Variants in SUGCT observed in about 807,000 individuals in gnomAD.
SUGCT encodes succinyl-CoA:glutarate-CoA transferase.
SUGCT carries 41 observed loss-of-function variants against 55.0 expected under a neutral mutation model. The observed-to-expected ratio is 0.74, with a 90% CI of 0.58 to 0.97. The LOEUF (loss-of-function observed/expected upper bound fraction) is 0.97. SUGCT is among the 50% of genes least tolerant of loss of function. SUGCT has a pLI of 0.00. For synonymous variants in SUGCT, 187 were observed against 200.4 expected (o/e 0.93, Z 0.56); for missense variants, 568 against 547.8 (o/e 1.04, Z -0.37).
the SUGCT span, among the ~76,000 whole-genome samples, chr7:40,960,398 T>C: frequency 8.5e-5 from 13 of 152,298 alleles, no homozygotes; most frequent in East Asian, 7.7e-4. Context: ...AAATCAGTCA[T>C]GGTACATAAA....
At chr7:40,679,402 T>C (rs1157898231) in intron 12 of SUGCT, among the ~76,000 whole-genome samples, 1 of 152,146 alleles carries the variant, frequency 6.6e-6, no homozygotes, top group Admixed American at 6.5e-5. Flanking sequence ...TACATTAAAA[T>C]GAACACTTGC....
the SUGCT span, among the ~76,000 whole-genome samples, chr7:40,885,965 CT>C: frequency 6.6e-6 from 1 of 152,140 alleles, no homozygotes; most frequent in Admixed American, 6.5e-5. Context: ...CTTTCTTTAC[CT>C]TTCCCCCGAC....
the SUGCT span, among the ~76,000 whole-genome samples, chr7:41,020,346 G>A: frequency 2.6e-5 from 4 of 152,188 alleles, no homozygotes; most frequent in Non-Finnish European, 5.9e-5. Context: ...ACAAAGTATG[G>A]TAGCTAAAGT....
chr7:40,947,887 G>A, the SUGCT span, among the ~76,000 whole-genome samples: 15 of 152,284 alleles, frequency 9.9e-5, no homozygotes, highest in Admixed American at 9.2e-4. Flanking sequence ...TATTGTTTGT[G>A]CAGAACCCCA....
At chr7:40,225,646 G>C (rs1436830780) in intron 6 of SUGCT, among the ~76,000 whole-genome samples, 1 of 151,938 alleles carries the variant, frequency 6.6e-6, no homozygotes, top group Non-Finnish European at 1.5e-5. Context: ...ATGTTGGCCA[G>C]GCTGGTCTTG....
At chr7:40,241,593 A>T (rs561540445) in intron 7 of SUGCT, among the ~76,000 whole-genome samples, 136 of 151,768 alleles carry the variant, frequency 9.0e-4, no homozygotes, top group African/African-American at 3.2e-3. Context: ...AAAAAAAAAA[A>T]AGGAAAAAGT....
chr7:40,605,877 A>G (rs1212808438), intron 12 of SUGCT, among the ~76,000 whole-genome samples: 2 of 152,210 alleles, frequency 1.3e-5, no homozygotes, highest in Admixed American at 6.5e-5. Flanking sequence ...TGTGTGTCTC[A>G]CAGGGCCTTT....
chr7:40,792,885 A>G (rs932890766), intron 13 of SUGCT, among the ~76,000 whole-genome samples: 3 of 152,128 alleles, frequency 2.0e-5, no homozygotes, highest in Admixed American at 2.0e-4. Flanking sequence ...TCCATGTATC[A>G]GAATTGCTTA....
chr7:40,914,278 CT>C, the SUGCT span, among the ~76,000 whole-genome samples: 342 of 83,752 alleles, frequency 4.1e-3, 1 homozygote, highest in Admixed American at 8.4e-3. Context: ...TTTTCTTTTT[CT>C]TTTTTTTTTT....
intron 13 of SUGCT, among the ~76,000 whole-genome samples, chr7:40,763,369 A>AT (rs1274710511): frequency 1.3e-5 from 2 of 152,236 alleles, no homozygotes; most frequent in African/African-American, 4.8e-5. Flanking sequence ...GGAAGGTCAC[A>AT]TAACTAGAAA....
intron 13 of SUGCT, among the ~76,000 whole-genome samples, chr7:40,788,215 C>T (rs1308358652): frequency 6.6e-6 from 1 of 152,170 alleles, no homozygotes; most frequent in Non-Finnish European, 1.5e-5. Flanking sequence ...CTGCAGCTTG[C>T]CATAATGAGG....
chr7:40,687,612 G>T (rs989898098), intron 12 of SUGCT, among the ~76,000 whole-genome samples: 3 of 152,124 alleles, frequency 2.0e-5, no homozygotes, highest in Non-Finnish European at 4.4e-5. Context: ...ATTTCGTAGA[G>T]AACTGGAATG....
chr7:40,693,835 C>T (rs1407306492), intron 12 of SUGCT, among the ~76,000 whole-genome samples: 1 of 152,190 alleles, frequency 6.6e-6, no homozygotes, highest in Non-Finnish European at 1.5e-5. Flanking sequence ...TTTCCATGAC[C>T]TGGGAAAGTT....
chr7:40,381,876 A>T (rs919611452), intron 9 of SUGCT, among the ~76,000 whole-genome samples: 4 of 152,044 alleles, frequency 2.6e-5, no homozygotes, highest in Non-Finnish European at 5.9e-5. Context: ...TTTTCGGTTT[A>T]TTTCATATAT....
chr7:40,898,319 G>GAGCC, the SUGCT span, among the ~76,000 whole-genome samples: 1 of 152,186 alleles, frequency 6.6e-6, no homozygotes, highest in African/African-American at 2.4e-5. Context: ...CTGCGTTTAA[G>GAGCC]AGCCGTAAGA....
chr7:40,392,278 T>TATA (rs1785478213), intron 9 of SUGCT, among the ~76,000 whole-genome samples: 1 of 152,100 alleles, frequency 6.6e-6, no homozygotes, highest in Non-Finnish European at 1.5e-5. Flanking sequence ...GAACTTAAAG[T>TATA]ATAATAATAA....
intron 12 of SUGCT, among the ~76,000 whole-genome samples, chr7:40,641,731 A>G (rs533886853): frequency 6.6e-6 from 1 of 152,168 alleles, no homozygotes; most frequent in Non-Finnish European, 1.5e-5. Context: ...CCCCTTTATC[A>G]TCTTACCTTC....
intron 9 of SUGCT, among the ~76,000 whole-genome samples, chr7:40,391,893 A>G (rs1471631123): frequency 6.6e-6 from 1 of 152,216 alleles, no homozygotes; most frequent in African/African-American, 2.4e-5. Flanking sequence ...CCAAAGGTCC[A>G]TCAATGATAG....
intron 12 of SUGCT, among the ~76,000 whole-genome samples, chr7:40,611,079 C>T (rs890420201): frequency 3.3e-5 from 5 of 152,106 alleles, no homozygotes; most frequent in African/African-American, 9.7e-5. Context: ...CCACTGTTGA[C>T]GGTAACTTCT....
Sources: allele counts gnomAD v4.1 joint callset (sites outside exome capture counted in the v4.1 genomes callset), GRCh38; gene constraint gnomAD v4.1.1; transcripts MANE v1.5; gene names NCBI Gene and HGNC (gene_info 2026-07-23, HGNC 2026-07-21).